The following N4BP2L2 variants were observed in gnomAD, a reference collection of about 807,000 sequenced individuals.
N4BP2L2 encodes NEDD4 binding protein 2 like 2.
N4BP2L2 carries 50 observed loss-of-function variants against 56.2 expected under a neutral mutation model. The ratio of observed to expected loss-of-function variants is 0.89; its 90% confidence interval spans 0.71 to 1.13. The LOEUF (loss-of-function observed/expected upper bound fraction) is 1.13. N4BP2L2 is among the 50% of genes most tolerant of loss of function. N4BP2L2 has a pLI of 0.00. For synonymous variants in N4BP2L2, 203 were observed against 223.6 expected, an observed-to-expected ratio of 0.91 and a Z score of 0.82; for missense variants, 689 against 693.8, an observed-to-expected ratio of 0.99 and a Z score of 0.08.
At chr13:32,526,818 G>GTTTTTTGTTTTTT (rs2053003722) in intron 3 of N4BP2L2, 1 of 24,236 alleles carries the variant, frequency 4.1e-5, no homozygotes, top group Non-Finnish European at 7.9e-5. Context: ...CTTTTTGTCT[G>GTTTTTTGTTTTTT]TTTTTTTTTT....
chr13:32,521,285 T>C, intron 5 of N4BP2L2, 88 bp downstream of exon 5: 1 of 1,069,084 alleles, frequency 9.4e-7, no homozygotes, highest in South Asian at 1.4e-5. Flanking sequence ...TGAACCTACA[T>C]TTGTATTCAA....
intron 6 of N4BP2L2, chr13:32,480,779 G>C (rs2084493343): frequency 4.8e-6 from 2 of 413,160 alleles, no homozygotes; most frequent in Non-Finnish European, 8.3e-6. Flanking sequence ...ATTTCTCCAA[G>C]ACTGTATAGT....
intron 6 of N4BP2L2, among the ~76,000 whole-genome samples, chr13:32,473,750 C>T (rs1009064203): frequency 2.0e-5 from 3 of 152,284 alleles, no homozygotes; most frequent in East Asian, 3.9e-4. Flanking sequence ...TCTCTCTGTG[C>T]CTTTCTCCCA....
chr13:32,506,585 A>G (rs957865233), downstream of N4BP2L2: 1 of 152,214 alleles, frequency 6.6e-6, no homozygotes, highest in African/African-American at 2.4e-5. Context: ...ACAAATGAAT[A>G]AAGCATATGA....
At chr13:32,487,357 T>G (rs1255150133) in intron 6 of N4BP2L2, among the ~76,000 whole-genome samples, 2 of 149,762 alleles carry the variant, frequency 1.3e-5, no homozygotes, top group African/African-American at 4.9e-5. Context: ...GTACCTGTGG[T>G]CTCAGCTATT....
At chr13:32,486,590 C>T (rs180984185) in intron 6 of N4BP2L2, among the ~76,000 whole-genome samples, 20 of 152,060 alleles carry the variant, frequency 1.3e-4, no homozygotes, top group Non-Finnish European at 2.8e-4. Flanking sequence ...GAAAGATAAT[C>T]GCTTGAACCC....
chr13:32,466,489 C>T (rs540202478), intron 6 of N4BP2L2, among the ~76,000 whole-genome samples: 26 of 152,038 alleles, frequency 1.7e-4, no homozygotes, highest in South Asian at 1.0e-3. Flanking sequence ...ATCCCTTGAA[C>T]CCAGGAGGTG....
chr13:32,536,570 C>G (rs2056605814), exon 2 of N4BP2L2: 1 of 1,613,764 alleles, frequency 6.2e-7, no homozygotes, highest in Admixed American at 1.7e-5. Flanking sequence ...TTTTTGTCCT[C>G]CTCTGTCATT....
chr13:32,482,262 C>T (rs2084905552), intron 6 of N4BP2L2, among the ~76,000 whole-genome samples: 1 of 152,154 alleles, frequency 6.6e-6, no homozygotes, highest in Admixed American at 6.6e-5. Flanking sequence ...GTTGTCATTA[C>T]ACTTAAGATG....
chr13:32,501,434 T>TC (rs946145206), intron 6 of N4BP2L2, among the ~76,000 whole-genome samples: 1 of 151,322 alleles, frequency 6.6e-6, no homozygotes, highest in African/African-American at 2.4e-5. Flanking sequence ...TAAAAACCTT[T>TC]TTTTTTTCTT....
Position 32,519,545 on chromosome 13 carries a change from AC to A in N4BP2L2, c.1551-1543del, listed in dbSNP as rs571750035. ...GTGGCAGGTGCCTGTATGCCCAGCTACTCAGGAGGCTGAAGCAGGGGAATCG... is the reference window on the plus strand; with the variant it reads ...GTGGCAGGTGCCTGTATGCCCAGCTATCAGGAGGCTGAAGCAGGGGAATCG... On this transcript the variant is annotated intron_variant, in intron 5 of 5. Coordinates refer to ENST00000267068, the Ensembl canonical transcript of N4BP2L2. Among the ~76,000 whole-genome samples the A allele has an allele frequency of 1.4e-4, 21 of 152,250 alleles. No individual in the cohort carries two copies. In the East Asian group the frequency reaches 4.1e-3, roughly 29 times the overall value.
chr13:32,536,052 A>G lies in N4BP2L2; in HGVS notation c.976T>C (p.Trp326Arg), dbSNP rs751418395. The G allele has an allele frequency of 3.7e-6, 6 of 1,614,044 alleles. No individual in the cohort carries two copies. The Admixed American group carries it at 1.0e-4, about 27-fold the overall frequency. Reference sequence around the variant, plus strand: ...TTCTGATCAAAAGTCATGCAATTCCAGTTAACATGACAATTATTTACATAA... The same window carrying G: ...TTCTGATCAAAAGTCATGCAATTCCGGTTAACATGACAATTATTTACATAA... Residue 326 changes from tryptophan (W) to arginine (R), a missense_variant, in exon 2 of 6, where the codon TGG becomes CGG. Coordinates refer to ENST00000267068, the Ensembl canonical transcript of N4BP2L2.
intron 6 of N4BP2L2, among the ~76,000 whole-genome samples, chr13:32,475,264 C>A (rs887362513): frequency 2.0e-5 from 3 of 152,146 alleles, no homozygotes; most frequent in African/African-American, 7.2e-5. Flanking sequence ...GGGCTATATA[C>A]CCTGATTTCT....
At chr13:32,511,445 T>G (rs1428622792) in exon 6 of N4BP2L2, 2 of 152,206 alleles carry the variant, frequency 1.3e-5, no homozygotes, top group Admixed American at 6.5e-5. Context: ...ATCATATAAT[T>G]AAGTTAATGT....
chr13:32,521,963 G>A (rs1036381964), intron 4 of N4BP2L2: 7 of 457,176 alleles, frequency 1.5e-5, no homozygotes, highest in Admixed American at 4.4e-5. Flanking sequence ...GTGACAGAGC[G>A]AGACTCCGTC....
At chr13:32,455,170 C>T (rs2078753894) in intron 6 of N4BP2L2, among the ~76,000 whole-genome samples, 1 of 152,168 alleles carries the variant, frequency 6.6e-6, no homozygotes, top group African/African-American at 2.4e-5. Flanking sequence ...TAGAAATATC[C>T]CCCCACATCT....
intron 3 of N4BP2L2, chr13:32,524,184 A>G (rs1343692918): frequency 6.6e-6 from 1 of 152,224 alleles, no homozygotes; most frequent in African/African-American, 2.4e-5. Flanking sequence ...GCCATCATCT[A>G]TTAGTGCTAG....
intron 6 of N4BP2L2, among the ~76,000 whole-genome samples, chr13:32,473,165 C>T (rs2082638274): frequency 1.3e-5 from 2 of 151,682 alleles, no homozygotes; most frequent in Non-Finnish European, 2.9e-5. Context: ...ACCTGTAATC[C>T]TAGCTACTCA....
At chr13:32,442,370 C>A in intron 7 of N4BP2L2, 1 of 1,529,852 alleles carries the variant, frequency 6.5e-7, no homozygotes, top group South Asian at 1.3e-5. Context: ...TTACTTTTAG[C>A]AAAAGAAAAC....
Sources: gnomAD v4.1 joint callset for allele counts (sites outside exome capture counted in the v4.1 genomes callset) on GRCh38, gnomAD v4.1.1 for gene constraint, MANE v1.5 for transcripts, NCBI Gene and HGNC (gene_info 2026-07-23, HGNC 2026-07-21) for gene names.